The following CSGALNACT1 variants were observed in gnomAD, a reference collection of about 807,000 sequenced individuals.
The protein encoded by CSGALNACT1 is beta4GalNAcT-1.
CSGALNACT1 carries 52 observed loss-of-function variants against 51.0 expected under a neutral mutation model. That is an observed-to-expected ratio of 1.02 (90% CI 0.82 to 1.29). The LOEUF (loss-of-function observed/expected upper bound fraction) is 1.29. CSGALNACT1 is among the 50% of genes most tolerant of loss of function. The probability of loss-of-function intolerance (pLI) is 0.00; values close to 1 mark genes in which losing one functional copy is unlikely to be tolerated. For synonymous variants in CSGALNACT1, 341 were observed against 254.4 expected (o/e 1.34, Z -3.24); for missense variants, 935 against 679.2 (o/e 1.38, Z -4.19).
chr8:19,594,194 A>C (rs757148126), intron 2 of CSGALNACT1, among the ~76,000 whole-genome samples: 2 of 152,202 alleles, frequency 1.3e-5, no homozygotes, highest in Non-Finnish European at 2.9e-5. Context: ...GCTAGAGAAC[A>C]TCAGTATTTA....
At chr8:19,465,890 T>A (rs980580730) in intron 4 of CSGALNACT1, among the ~76,000 whole-genome samples, 1 of 152,170 alleles carries the variant, frequency 6.6e-6, no homozygotes, top group African/African-American at 2.4e-5. Flanking sequence ...TCACTTTTCA[T>A]ATGCAGAAGA....
At chr8:19,659,455 T>C (rs1415114806) in intron 1 of CSGALNACT1, among the ~76,000 whole-genome samples, 5 of 152,184 alleles carry the variant, frequency 3.3e-5, no homozygotes, top group Admixed American at 3.3e-4. Flanking sequence ...CCAAAGGCTT[T>C]TGTGACAAAC....
rs189291569 is a variant in CSGALNACT1 at position 19,405,152 on chromosome 8, A to T, written c.*628T>A. 3.2e-4 allele frequency: 145 copies of T among 450,592 alleles called. 1 individual carries two copies. Among genetic ancestry groups the T allele is most frequent in the Non-Finnish European group, 3.1e-4 (71 of 226,138 alleles). 27.9% of individuals were successfully genotyped at this position (450,592 alleles called of 1,614,324 possible). On this transcript the variant is annotated 3_prime_UTR_variant, in exon 10 of 10. Transcript: ENST00000454498. ...ATAACTCACAAGGGAAAAAAAGTGC[A>T]TTTTTAAATAAAAGAAAAAAACGGA...
chr8:19,522,602 A>T (rs2080945996), intron 3 of CSGALNACT1, among the ~76,000 whole-genome samples: 1 of 152,176 alleles, frequency 6.6e-6, no homozygotes, highest in Non-Finnish European at 1.5e-5. Context: ...AGTTGTACAC[A>T]TGGGGCTGCA....
chr8:19,476,980 C>A (rs1394405173), intron 4 of CSGALNACT1, among the ~76,000 whole-genome samples: 1 of 152,164 alleles, frequency 6.6e-6, no homozygotes, highest in Non-Finnish European at 1.5e-5. Context: ...GAATTCCTGA[C>A]CCAGTTGCAG....
chr8:19,590,066 G>C (rs1371824027), intron 3 of CSGALNACT1, among the ~76,000 whole-genome samples: 2 of 152,152 alleles, frequency 1.3e-5, no homozygotes, highest in African/African-American at 2.4e-5. Context: ...CTACCAATTA[G>C]GTTGAAATGT....
intron 1 of CSGALNACT1, among the ~76,000 whole-genome samples, chr8:19,666,118 G>C (rs915352339): frequency 6.6e-6 from 1 of 152,086 alleles, no homozygotes; most frequent in African/African-American, 2.4e-5. Context: ...TTTTCCCTTT[G>C]TTCCTGTACA....
chr8:19,563,661 G>A, intron 3 of CSGALNACT1, among the ~76,000 whole-genome samples: 1 of 152,000 alleles, frequency 6.6e-6, no homozygotes, highest in Admixed American at 6.6e-5. Flanking sequence ...AAACTACATT[G>A]TGACTACCAT....
chr8:19,643,242 G>A (rs978288602), intron 1 of CSGALNACT1, among the ~76,000 whole-genome samples: 18 of 152,080 alleles, frequency 1.2e-4, no homozygotes, highest in Middle Eastern at 3.4e-3. Flanking sequence ...TAACCAACTA[G>A]GACAATGCTT....
chr8:19,663,525 G>A (rs572989248), intron 1 of CSGALNACT1, among the ~76,000 whole-genome samples: 5 of 152,252 alleles, frequency 3.3e-5, no homozygotes, highest in East Asian at 1.9e-4. Flanking sequence ...TCCAAAGAGC[G>A]TAGCATTCAT....
At chr8:19,405,396 G>C in exon 10 of CSGALNACT1, 1 of 461,316 alleles carries the variant, frequency 2.2e-6, no homozygotes, top group South Asian at 1.5e-5. Flanking sequence ...CATATGAGGA[G>C]AAATATGCTT....
chr8:19,686,168 C>A (rs6586857), upstream of CSGALNACT1, among the ~76,000 whole-genome samples: 3 of 152,054 alleles, frequency 2.0e-5, no homozygotes, highest in Non-Finnish European at 4.4e-5. Flanking sequence ...CTCCAGCCAG[C>A]GGACTGACAA....
At chr8:19,716,120 C>T (rs749091865) in intron 1 of CSGALNACT1, among the ~76,000 whole-genome samples, 2 of 152,176 alleles carry the variant, frequency 1.3e-5, no homozygotes, top group African/African-American at 4.8e-5. Context: ...TCCTGCCAAT[C>T]CTTCAATAAT....
chr8:19,689,411 C>T (rs533003140), intron 1 of CSGALNACT1, among the ~76,000 whole-genome samples: 20 of 152,182 alleles, frequency 1.3e-4, no homozygotes, highest in Non-Finnish European at 1.9e-4. Flanking sequence ...GCCCCCTGAA[C>T]GGTCCCAGCT....
intron 1 of CSGALNACT1, among the ~76,000 whole-genome samples, chr8:19,702,377 G>A (rs2061928085): frequency 6.6e-6 from 1 of 151,846 alleles, no homozygotes; most frequent in African/African-American, 2.4e-5. Context: ...AATATTAGTT[G>A]AGGATACACC....
At chr8:19,509,064 C>T (rs2077926983) in intron 3 of CSGALNACT1, among the ~76,000 whole-genome samples, 1 of 152,176 alleles carries the variant, frequency 6.6e-6, no homozygotes, top group Non-Finnish European at 1.5e-5. Context: ...AGAACTGCTG[C>T]CAAGGAGGCA....
chr8:19,510,742 G>A (rs771409198), intron 3 of CSGALNACT1, among the ~76,000 whole-genome samples: 3 of 152,178 alleles, frequency 2.0e-5, no homozygotes, highest in African/African-American at 2.4e-5. Flanking sequence ...ATTTTAAAAC[G>A]ACAGAAGTTT....
At chr8:19,409,565 G>T (rs1418495291) in intron 8 of CSGALNACT1, among the ~76,000 whole-genome samples, 1 of 152,164 alleles carries the variant, frequency 6.6e-6, no homozygotes, top group Non-Finnish European at 1.5e-5. Context: ...ATTCAGCTGA[G>T]AGAACTCTGG....
chr8:19,556,926 T>A (rs1486103963), intron 3 of CSGALNACT1, among the ~76,000 whole-genome samples: 2 of 147,988 alleles, frequency 1.4e-5, no homozygotes, highest in African/African-American at 5.0e-5. Flanking sequence ...TAGGCAGGTG[T>A]GCTATAAACA....
Sources: gnomAD v4.1 joint callset for allele counts (sites outside exome capture counted in the v4.1 genomes callset) on GRCh38, gnomAD v4.1.1 for gene constraint, MANE v1.5 for transcripts, NCBI Gene and HGNC (gene_info 2026-07-23, HGNC 2026-07-21) for gene names.